EPS8: variants seen among roughly 807,000 people sequenced by gnomAD.
EPS8 encodes the protein epidermal growth factor receptor kinase substrate 8.
A neutral mutation model predicts 103.8 loss-of-function variants in EPS8; 42 were observed. The observed-to-expected ratio is 0.40, with a 90% CI of 0.32 to 0.52. EPS8 has a LOEUF of 0.52. EPS8 is among the 20% of genes least tolerant of loss of function. EPS8 has a pLI of 0.40. For synonymous variants in EPS8, 344 were observed against 344.6 expected (o/e 1.00, Z 0.02); for missense variants, 969 against 1,005.1 (o/e 0.96, Z 0.49).
chr12:15,644,144 T>C (rs565619693), intron 15 of EPS8, among the ~76,000 whole-genome samples: 12 of 152,214 alleles, frequency 7.9e-5, no homozygotes, highest in Non-Finnish European at 1.5e-4. Flanking sequence ...TCTGTAACAA[T>C]AGCTGAGTCT....
At chr12:15,687,130 AT>A (rs1426725383) in intron 1 of EPS8, among the ~76,000 whole-genome samples, 4 of 152,062 alleles carry the variant, frequency 2.6e-5, no homozygotes, top group Admixed American at 6.6e-5. Context: ...TAAAAAAAAA[AT>A]CTTCTTTAAA....
At position 15,780,481 on chromosome 12, in the gene EPS8, A is replaced by ACACACACAC. The variant is rs1947249335; in HGVS notation, c.-22+8679_-22+8680insGTGTGTGTG. On this transcript the variant is annotated intron_variant, in intron 1 of 20. Transcript: ENST00000281172. This position sits in a 1 kb window ranked among gnomAD's most constrained non-coding sequence, Gnocchi z 4.1. ...CTCCTTTCTGCTATGTGCTGGGATAAACACACACACACACACACACACACA... is the reference window on the plus strand; with the variant it reads ...CTCCTTTCTGCTATGTGCTGGGATAACACACACACACACACACACACACACACACACACA... 4 of 117,548 alleles carry ACACACACAC rather than the reference A, an allele frequency of 3.4e-5. No individual in the cohort carries two copies. In the South Asian group the frequency reaches 1.4e-3, roughly 42 times the overall value. The allele number at this position is 117,548 out of a possible 1,614,324, so 7.3% of individuals were successfully genotyped here.
intron 3 of EPS8, among the ~76,000 whole-genome samples, chr12:15,671,549 T>C (rs904579217): frequency 1.4e-4 from 22 of 152,176 alleles, no homozygotes; most frequent in African/African-American, 5.3e-4. Flanking sequence ...GAAAGTCAGG[T>C]AGAAAGTTAT....
At chr12:15,675,599 AAAAAAT>A (rs1343370841) in intron 3 of EPS8, among the ~76,000 whole-genome samples, 1 of 152,194 alleles carries the variant, frequency 6.6e-6, no homozygotes, top group Non-Finnish European at 1.5e-5. Flanking sequence ...ACCCTATCTC[AAAAAAT>A]AAAAATAAAA....
intron 17 of EPS8, chr12:15,634,718 G>A: frequency 5.0e-6 from 2 of 398,882 alleles, no homozygotes; most frequent in Non-Finnish European, 8.9e-6. Context: ...GAAGTGCCAT[G>A]AGGGAACGAA....
chr12:15,671,223 T>C (rs1945811419), intron 3 of EPS8, among the ~76,000 whole-genome samples: 1 of 152,148 alleles, frequency 6.6e-6, no homozygotes, highest in Non-Finnish European at 1.5e-5. Context: ...GTTTTATTTA[T>C]CAGTCAGGGA....
Position 15,631,442 on chromosome 12 carries a change from G to T in EPS8, c.2044C>A (p.Arg682=), listed in dbSNP as rs771713111. The part of the protein sequence containing the change: ...SQRHKQLPVD[R]RKSQMEEVQD... Reference sequence around the variant, plus strand: ...TTTTTTGCCTCCCTGGGAAACTTACGGTCCACCGGAAGTTGTTTGTGTCTC... The same window carrying T: ...TTTTTTGCCTCCCTGGGAAACTTACTGTCCACCGGAAGTTGTTTGTGTCTC... Residue 682 remains arginine, a splice_region_variant and synonymous_variant, in exon 18 of 21, where the codon CGA becomes AGA. Transcript: ENST00000281172. 1.9e-6 allele frequency: 3 copies of T among 1,613,608 alleles called. No individual in the cohort carries two copies. Among genetic ancestry groups the T allele is most frequent in the Non-Finnish European group, 8.5e-7 (1 of 1,179,816 alleles).
rs749652398 is a variant in EPS8 at position 15,663,649 on chromosome 12, G to A, written c.737-1550C>T. On this transcript the variant is annotated intron_variant, in intron 8 of 20. Transcript: ENST00000281172. The stretch of plus-strand genomic sequence containing the variant: ...TATAAATTATATTAGGTTCAGCAGG[G>A]CATGGTGGCTCACGCCTGTAATTCC... Among the ~76,000 whole-genome samples the A allele has an allele frequency of 5.7e-4, 87 of 151,926 alleles. 1 individual carries two copies. Among genetic ancestry groups the A allele is most frequent in the Admixed American group, 4.6e-4 (7 of 15,246 alleles).
rs911934263 is a variant in EPS8 at position 15,745,208 on chromosome 12, T to G, written c.-22+43953A>C. Reference sequence around the variant, plus strand: ...TATTTGTAAAGAAAAACTCTACCTGTTTCAAAGAAATGAGTATAAAAGAAC... The same window carrying G: ...TATTTGTAAAGAAAAACTCTACCTGGTTCAAAGAAATGAGTATAAAAGAAC... On this transcript the variant is annotated intron_variant, in intron 1 of 20. Transcript: ENST00000281172. This position sits in a 1 kb window ranked among gnomAD's most constrained non-coding sequence, Gnocchi z 4.6. Among the ~76,000 whole-genome samples, 1 of 152,148 alleles carries G rather than the reference T, an allele frequency of 6.6e-6. No homozygotes were observed. The highest frequency in any genetic ancestry group is 6.5e-5 in the Admixed American group (1 of 15,268).
rs1300699782 is a variant in EPS8 at position 15,760,797 on chromosome 12, C to A, written c.-22+28364G>T. Among the ~76,000 whole-genome samples, 3 of 152,012 alleles carry A rather than the reference C, an allele frequency of 2.0e-5. No homozygotes were observed. Among genetic ancestry groups the A allele is most frequent in the East Asian group, 3.9e-4 (2 of 5,192 alleles). On this transcript the variant is annotated intron_variant, in intron 1 of 20. Transcript: ENST00000281172. This position sits in a 1 kb window ranked among gnomAD's most constrained non-coding sequence, Gnocchi z 4.5. ...AAAAGCTGGGAACAGAAAGAATATA[C>A]CTTAACATAATAAAAGCCATATATG...
intron 1 of EPS8, among the ~76,000 whole-genome samples, chr12:15,699,617 T>C (rs900191036): frequency 5.9e-5 from 9 of 152,234 alleles, no homozygotes; most frequent in African/African-American, 2.2e-4. Context: ...ACCAACTATG[T>C]AGTCACACAT....
In EPS8 at chr12:15,725,053, C is replaced by G. The variant is rs745624346; in HGVS notation, c.-21-42081G>C. On this transcript the variant is annotated intron_variant, in intron 1 of 20. Coordinates refer to ENST00000281172, the MANE Select transcript of EPS8 (RefSeq NM_004447.6). This position sits in a 1 kb window ranked among gnomAD's most constrained non-coding sequence, Gnocchi z 4.5. ...AAATTCAACATCCACAGATCACTCA[C>G]TCCTAGGTATCTTGTTAGGAAAAAA... is the stretch of plus-strand genomic sequence containing the variant. Among the ~76,000 whole-genome samples, 1 of 152,042 alleles carries G rather than the reference C, an allele frequency of 6.6e-6. No individual in the cohort carries two copies. The highest frequency in any genetic ancestry group is 1.9e-4 in the East Asian group (1 of 5,186).
chr12:15,744,675 AC>A (rs1303514513), intron 1 of EPS8, among the ~76,000 whole-genome samples: 12 of 152,230 alleles, frequency 7.9e-5, no homozygotes, highest in African/African-American at 2.7e-4. Flanking sequence ...GCAAATTCAT[AC>A]AGGTACTAAG....
rs557282446 is a variant in EPS8, at chr12:15,675,805, C to T, written c.137-4882G>A. ...TGGTAATTTATGAAATGATCACATT[C>T]CAAATTAAGCAATATCTAATTTAAA... On this transcript the variant is annotated intron_variant, in intron 3 of 20. Transcript: ENST00000281172. Among the ~76,000 whole-genome samples the T allele has an allele frequency of 1.0e-3, 157 of 152,248 alleles. No individual in the cohort carries two copies. The Middle Eastern group carries it at 0.014, about 13-fold the overall frequency.
intron 1 of EPS8, among the ~76,000 whole-genome samples, chr12:15,732,022 C>A (rs1467365274): frequency 6.6e-6 from 1 of 152,104 alleles, no homozygotes; most frequent in African/African-American, 2.4e-5. Flanking sequence ...TAAATAACTG[C>A]CTACTCCTGA....
Position 15,717,607 on chromosome 12 carries a change from A to C in EPS8, c.-21-34635T>G, listed in dbSNP as rs142832585. Among the ~76,000 whole-genome samples, 128 of 152,222 alleles carry C rather than the reference A, an allele frequency of 8.4e-4. 1 individual carries two copies. Among genetic ancestry groups the C allele is most frequent in the African/African-American group, 2.5e-3 (102 of 41,526 alleles). On this transcript the variant is annotated intron_variant, in intron 1 of 20. Transcript: ENST00000281172. The surrounding 1 kb of genome is among the most constrained non-coding windows in gnomAD (Gnocchi z 4.3). The stretch of plus-strand genomic sequence containing the variant: ...ATCTCAAAAAAAAAGAAAGAAAGAA[A>C]GAAAAAAGAAATGAAATGGACACTT...
At position 15,707,554 on chromosome 12, in the gene EPS8, T is replaced by TA. The variant is rs77451404; in HGVS notation, c.-21-24583dup. ...GGGCCTGTAAGGTAACTCACTACCT[T>TA]AAAAAAAAAAAAAATCACATGCTAC... On this transcript the variant is annotated intron_variant, in intron 1 of 20. Transcript: ENST00000281172. Among the ~76,000 whole-genome samples the TA allele has an allele frequency of 3.8e-3, 542 of 143,054 alleles. 1 individual carries two copies. The highest frequency in any genetic ancestry group is 5.9e-3 in the African/African-American group (232 of 39,162). The allele number at this position is 143,054 out of a possible 152,430, so 93.8% of individuals were successfully genotyped here. A position where few individuals can be genotyped will look rare whatever the true frequency, so the allele number is the denominator to read the frequency against.
In EPS8 at chr12:15,633,579, G is replaced by C. The variant is rs1945085745; in HGVS notation, c.1822-1915C>G. 5.3e-5 allele frequency among the ~76,000 whole-genome samples: 8 copies of C among 152,102 alleles called. No homozygotes were observed. The South Asian group carries it at 1.7e-3, about 32-fold the overall frequency. Reference sequence around the variant, plus strand: ...AAAACAAACTCACCAAATGTTCTGTGCTTTATTTCATTCATGCCATTGTTA... The same window carrying C: ...AAAACAAACTCACCAAATGTTCTGTCCTTTATTTCATTCATGCCATTGTTA... On this transcript the variant is annotated intron_variant, in intron 17 of 20. Transcript: ENST00000281172.
intron 2 of EPS8, among the ~76,000 whole-genome samples, chr12:15,682,520 T>C (rs530491262): frequency 3.2e-4 from 48 of 152,274 alleles, no homozygotes; most frequent in Middle Eastern, 3.4e-3. Flanking sequence ...CTAAATGACA[T>C]TTAACCCTTC....
Sources: gnomAD v4.1 joint callset for allele counts (sites outside exome capture counted in the v4.1 genomes callset) on GRCh38, gnomAD v4.1.1 for gene constraint, Gnocchi (gnomAD v3.1) non-coding constraint, MANE v1.5 for transcripts, NCBI Gene and HGNC (gene_info 2026-07-23, HGNC 2026-07-21) for gene names.